PGR: variants seen among roughly 807,000 people sequenced by gnomAD.
PGR encodes progesterone receptor, also known as nuclear receptor subfamily 3 group C member 3.
In PGR, 25 loss-of-function variants were observed where a neutral mutation model predicts 76.1. That is an observed-to-expected ratio of 0.33 (90% CI 0.24 to 0.46). The LOEUF (loss-of-function observed/expected upper bound fraction) is 0.46, where lower values mean the gene tolerates loss of function less well. Among genes scored for constraint, PGR ranks in the 20% least tolerant of loss-of-function variants. The pLI, the probability that PGR is intolerant of heterozygous loss-of-function variation, is 1.00. For synonymous variants in PGR, 579 were observed against 535.0 expected (o/e 1.08, Z -1.14); for missense variants, 1,172 against 1,225.3 (o/e 0.96, Z 0.65).
intron 6 of PGR, among the ~76,000 whole-genome samples, chr11:101,046,210 C>T (rs902826874): frequency 2.0e-5 from 3 of 150,286 alleles, no homozygotes; most frequent in South Asian, 2.1e-4. Context: ...ACTGCAGCCT[C>T]GACTTCCTAG....
chr11:101,072,631 T>C (rs1204421031), intron 3 of PGR, among the ~76,000 whole-genome samples: 1 of 152,116 alleles, frequency 6.6e-6, no homozygotes, highest in African/African-American at 2.4e-5. Context: ...GATGGAGGAA[T>C]ATTTACCAAG....
chr11:101,085,629 A>T (rs1480244798), intron 3 of PGR, among the ~76,000 whole-genome samples: 1 of 151,726 alleles, frequency 6.6e-6, no homozygotes, highest in African/African-American at 2.4e-5. Flanking sequence ...GAGACCCAAA[A>T]ATCTATACAA....
chr11:101,102,883 G>A (rs1005611972), intron 2 of PGR, among the ~76,000 whole-genome samples: 3 of 151,342 alleles, frequency 2.0e-5, no homozygotes, highest in African/African-American at 4.9e-5. Flanking sequence ...TGGGGGAAGC[G>A]GTGATTTCAG....
intron 3 of PGR, among the ~76,000 whole-genome samples, chr11:101,074,227 A>T (rs1861042506): frequency 6.6e-6 from 1 of 152,156 alleles, no homozygotes; most frequent in Non-Finnish European, 1.5e-5. Flanking sequence ...GACAAAAACC[A>T]CATGATTATC....
chr11:101,039,777 A>T (rs1488331407), intron 7 of PGR, among the ~76,000 whole-genome samples: 1 of 151,960 alleles, frequency 6.6e-6, no homozygotes, highest in Non-Finnish European at 1.5e-5. Context: ...AAACAAAAAC[A>T]GCAGCAGCAG....
At chr11:101,067,566 A>G (rs1161126276) in intron 3 of PGR, among the ~76,000 whole-genome samples, 1 of 152,112 alleles carries the variant, frequency 6.6e-6, no homozygotes, top group African/African-American at 2.4e-5. Flanking sequence ...GCCCAGCATG[A>G]GCATGTATTA....
At chr11:101,090,715 C>G (rs1009397571) in intron 3 of PGR, among the ~76,000 whole-genome samples, 1 of 152,172 alleles carries the variant, frequency 6.6e-6, no homozygotes, top group Non-Finnish European at 1.5e-5. Flanking sequence ...CTGCCCTTAA[C>G]TTAGGAAAAC....
intron 2 of PGR, among the ~76,000 whole-genome samples, chr11:101,108,847 TTTTACAAATTCAGGGTTTGTGGCAGCC>T (rs1174775656): frequency 1.3e-5 from 2 of 152,238 alleles, no homozygotes; most frequent in Non-Finnish European, 2.9e-5. Context: ...ATATTGTATG[TTTTACAAATTCAGGGTTTGTGGCAGCC>T]CTGCATCCAG....
At chr11:101,105,545 G>C (rs1334464026) in intron 2 of PGR, among the ~76,000 whole-genome samples, 1 of 147,470 alleles carries the variant, frequency 6.8e-6, no homozygotes, top group African/African-American at 2.5e-5. Context: ...TTTTCAAGGA[G>C]AACTACAAAC....
intron 1 of PGR, among the ~76,000 whole-genome samples, chr11:101,126,761 A>G (rs1021453312): frequency 2.0e-5 from 3 of 152,204 alleles, no homozygotes; most frequent in Non-Finnish European, 2.9e-5. Flanking sequence ...TTAAACCTGT[A>G]TATAAAAAAA....
intron 2 of PGR, among the ~76,000 whole-genome samples, chr11:101,114,399 C>T (rs573456789): frequency 6.6e-6 from 1 of 152,242 alleles, no homozygotes; most frequent in African/African-American, 2.4e-5. Context: ...CAAACCAGAA[C>T]ATCTCAATTC....
intron 3 of PGR, among the ~76,000 whole-genome samples, chr11:101,073,497 A>C (rs2135427792): frequency 6.6e-6 from 1 of 152,178 alleles, no homozygotes; most frequent in South Asian, 2.1e-4. Context: ...ACCGAAGGAG[A>C]TAGAGACATG....
intron 2 of PGR, among the ~76,000 whole-genome samples, chr11:101,097,180 T>G (rs936566050): frequency 2.6e-5 from 4 of 152,178 alleles, no homozygotes; most frequent in African/African-American, 9.7e-5. Context: ...CTGTTATGTC[T>G]TTTCTTTCTA....
At chr11:101,041,693 G>T in intron 7 of PGR, 1 of 437,544 alleles carries the variant, frequency 2.3e-6, no homozygotes, top group East Asian at 4.1e-5. Flanking sequence ...TTCAGGAAAT[G>T]TACCATAATT....
chr11:101,069,088 A>G (rs914084064), intron 3 of PGR, among the ~76,000 whole-genome samples: 1 of 152,178 alleles, frequency 6.6e-6, no homozygotes, highest in Non-Finnish European at 1.5e-5. Context: ...GGCAACCTAT[A>G]GAATGGGAGA....
In PGR at chr11:101,071,845, C is replaced by T. The variant is rs975146848; in HGVS notation, c.1907-9093G>A. On this transcript the variant is annotated intron_variant, in intron 3 of 7. Coordinates refer to ENST00000325455, the MANE Select transcript of PGR (RefSeq NM_000926.4). Reference sequence around the variant, plus strand: ...GGACTATGTGAAAAGACCAAACTTACGTTTGATTGGTGTACCTGAAAGTGA... The same window carrying T: ...GGACTATGTGAAAAGACCAAACTTATGTTTGATTGGTGTACCTGAAAGTGA... 1.1e-4 allele frequency among the ~76,000 whole-genome samples: 16 copies of T among 152,152 alleles called. No individual in the cohort carries two copies. In the East Asian group the frequency reaches 2.7e-3, roughly 26 times the overall value.
intron 3 of PGR, among the ~76,000 whole-genome samples, chr11:101,087,112 G>T (rs2135449817): frequency 6.6e-6 from 1 of 152,186 alleles, no homozygotes; most frequent in Non-Finnish European, 1.5e-5. Flanking sequence ...AATCAAAAGA[G>T]CCCAAATAAC....
At chr11:101,061,999 T>C (rs1422743704) in intron 4 of PGR, among the ~76,000 whole-genome samples, 2 of 152,224 alleles carry the variant, frequency 1.3e-5, no homozygotes, top group African/African-American at 2.4e-5. Context: ...TTTCTTAATT[T>C]ACTTTTGACA....
Position 101,050,050 on chromosome 11 carries a change from C to T in PGR, c.2367G>A (p.Met789Ile). ...APDLILNEQR[M>I]KESSFYSLCL... ...ATAATGAATAGAATGATGATTCTTT[C>T]ATCCGCTGTCTTGCATCACACACAA... The change falls in exon 6 of 8, where the codon ATG (methionine) becomes ATA (isoleucine). Residue 789 changes from methionine to isoleucine, a missense_variant. Met to Ile is a conservative substitution (Grantham distance 10). Around this residue, in one of 4 missense-constraint regions of PGR, gnomAD observed 166 missense variants for 296.0 expected, o/e 0.56. Transcript: ENST00000325455. The T allele has an allele frequency of 6.2e-7, 1 of 1,612,418 alleles. No homozygotes were observed. Among genetic ancestry groups the T allele is most frequent in the South Asian group, 1.1e-5 (1 of 91,048 alleles).
Sources: allele counts gnomAD v4.1 joint callset (sites outside exome capture counted in the v4.1 genomes callset), GRCh38; gene constraint gnomAD v4.1.1; regional missense constraint gnomAD v4.1.1; transcripts MANE v1.5; gene names NCBI Gene and HGNC (gene_info 2026-07-23, HGNC 2026-07-21).